SAMSN1: variants seen among roughly 807,000 people sequenced by gnomAD.
SAMSN1 encodes SAM domain-containing protein SAMSN-1.
SAMSN1 carries 31 observed loss-of-function variants against 42.0 expected under a neutral mutation model. The observed-to-expected ratio is 0.74, with a 90% CI of 0.55 to 1.00. The LOEUF (loss-of-function observed/expected upper bound fraction) is 1.00. Ranked by LOEUF, SAMSN1 falls within the 50% of genes least tolerant of loss-of-function variation. The pLI, the probability that SAMSN1 is intolerant of heterozygous loss-of-function variation, is 0.00. For missense variants in SAMSN1, 464 were observed against 439.4 expected, an observed-to-expected ratio of 1.06 and a Z score of -0.50; for synonymous variants, 178 against 151.9, an observed-to-expected ratio of 1.17 and a Z score of -1.26.
At chr21:14,610,472 C>T (rs1003656033) in intron 4 of SAMSN1, among the ~76,000 whole-genome samples, 5 of 152,160 alleles carry the variant, frequency 3.3e-5, no homozygotes, top group African/African-American at 1.2e-4. Flanking sequence ...TCTAGTTTCA[C>T]CCTTAACTTC....
intron 2 of SAMSN1, among the ~76,000 whole-genome samples, chr21:14,570,199 G>A (rs2178936): frequency 0.34 from 51,750 of 152,026 alleles, 11,778 homozygotes; most frequent in African/African-American, 0.66. Context: ...GGAGGAAAAA[G>A]TTCCCGCATT....
At chr21:14,535,593 G>T (rs1447740667) in intron 1 of SAMSN1, among the ~76,000 whole-genome samples, 1 of 152,144 alleles carries the variant, frequency 6.6e-6, no homozygotes, top group Non-Finnish European at 1.5e-5. Flanking sequence ...ACTGTATTTG[G>T]ATATAAAGCC....
intron 1 of SAMSN1, among the ~76,000 whole-genome samples, chr21:14,644,124 C>T (rs1408353393): frequency 6.6e-6 from 1 of 152,144 alleles, no homozygotes; most frequent in Non-Finnish European, 1.5e-5. Context: ...ATGTGTGTCT[C>T]AGTGTGAACT....
upstream of SAMSN1, chr21:14,658,919 C>A: frequency 1.6e-6 from 1 of 619,566 alleles, no homozygotes; most frequent in South Asian, 1.9e-5. Context: ...GATTCAGAGA[C>A]CATTATCAAA....
At chr21:14,492,334 A>G (rs1207876124) in intron 7 of SAMSN1, among the ~76,000 whole-genome samples, 1 of 152,190 alleles carries the variant, frequency 6.6e-6, no homozygotes, top group Non-Finnish European at 1.5e-5. Flanking sequence ...GCTTATTACA[A>G]ATACTTGTAT....
At chr21:14,508,187 A>G (rs755255467) in intron 5 of SAMSN1, among the ~76,000 whole-genome samples, 3 of 152,274 alleles carry the variant, frequency 2.0e-5, no homozygotes, top group African/African-American at 4.8e-5. Flanking sequence ...CAAATGCAAT[A>G]AAAACAAAGT....
chr21:14,565,362 A>G (rs536785977), intron 2 of SAMSN1, among the ~76,000 whole-genome samples: 11 of 151,958 alleles, frequency 7.2e-5, no homozygotes, highest in Non-Finnish European at 1.6e-4. Flanking sequence ...AATATCTTCA[A>G]TGACTCATCC....
At chr21:14,537,333 G>T (rs1255403338) in intron 1 of SAMSN1, among the ~76,000 whole-genome samples, 1 of 151,928 alleles carries the variant, frequency 6.6e-6, no homozygotes, top group Non-Finnish European at 1.5e-5. Flanking sequence ...TCTCACCAAG[G>T]CTTCTCTAGT....
intron 1 of SAMSN1, among the ~76,000 whole-genome samples, chr21:14,651,604 G>A (rs1983838819): frequency 6.6e-6 from 1 of 151,946 alleles, no homozygotes; most frequent in Admixed American, 6.6e-5. Context: ...AAAGATGAAA[G>A]CCTTTCCTCT....
upstream of SAMSN1, chr21:14,546,432 T>G (rs114162154): frequency 3.4e-3 from 3,821 of 1,131,520 alleles, 69 homozygotes; most frequent in African/African-American, 0.035. Flanking sequence ...GGTAATTTTT[T>G]TTTCTTACAG....
intron 1 of SAMSN1, among the ~76,000 whole-genome samples, chr21:14,533,020 C>T (rs1979365128): frequency 6.6e-6 from 1 of 152,074 alleles, no homozygotes; most frequent in Non-Finnish European, 1.5e-5. Flanking sequence ...CTCCAGCAAT[C>T]TCCTGCTTCA....
chr21:14,573,460 G>C (rs1215654338), intron 2 of SAMSN1, among the ~76,000 whole-genome samples: 2 of 152,088 alleles, frequency 1.3e-5, no homozygotes, highest in Non-Finnish European at 2.9e-5. Context: ...TTAAGTCATG[G>C]CTGATGCATC....
chr21:14,503,666 C>T (rs1359399574), intron 5 of SAMSN1, among the ~76,000 whole-genome samples: 1 of 152,128 alleles, frequency 6.6e-6, no homozygotes, highest in African/African-American at 2.4e-5. Context: ...TAGCAACCAA[C>T]TTAAAAAGTA....
chr21:14,600,448 CT>C (rs1394495961), intron 6 of SAMSN1, among the ~76,000 whole-genome samples: 2 of 152,108 alleles, frequency 1.3e-5, no homozygotes, highest in African/African-American at 4.8e-5. Flanking sequence ...TAGATGGCTC[CT>C]GCTTGTCTGT....
At chr21:14,644,455 A>G (rs1983672800) in intron 1 of SAMSN1, among the ~76,000 whole-genome samples, 1 of 152,132 alleles carries the variant, frequency 6.6e-6, no homozygotes, top group African/African-American at 2.4e-5. Context: ...GAAAGGGTTC[A>G]GTCCTGGCAG....
intron 1 of SAMSN1, among the ~76,000 whole-genome samples, chr21:14,529,638 T>C (rs1979109917): frequency 6.6e-6 from 1 of 152,202 alleles, no homozygotes; most frequent in African/African-American, 2.4e-5. Context: ...ATTAGTACCA[T>C]GGACCAAATC....
chr21:14,592,928 T>C (rs929404208), intron 7 of SAMSN1, among the ~76,000 whole-genome samples: 2 of 152,170 alleles, frequency 1.3e-5, no homozygotes, highest in African/African-American at 2.4e-5. Flanking sequence ...TTTGTTTGTT[T>C]CCCACAGCTT....
intron 2 of SAMSN1, among the ~76,000 whole-genome samples, chr21:14,625,114 G>A (rs1426913094): frequency 1.3e-5 from 2 of 152,052 alleles, no homozygotes; most frequent in African/African-American, 4.8e-5. Context: ...ATTAGGTATT[G>A]ATGGGATGTA....
chr21:14,629,132 A>G (rs1444144983), intron 2 of SAMSN1, among the ~76,000 whole-genome samples: 1 of 152,182 alleles, frequency 6.6e-6, no homozygotes, highest in Non-Finnish European at 1.5e-5. Context: ...CAGAAGGGAG[A>G]TTAGCTACAA....
Sources: gnomAD v4.1 joint callset for allele counts (sites outside exome capture counted in the v4.1 genomes callset) on GRCh38, gnomAD v4.1.1 for gene constraint, MANE v1.5 for transcripts, NCBI Gene and HGNC (gene_info 2026-07-23, HGNC 2026-07-21) for gene names.